The following SFXN4 variants were observed in gnomAD, a reference collection of about 807,000 sequenced individuals.
The protein encoded by SFXN4 is sideroflexin-4.
SFXN4 carries 48 observed loss-of-function variants against 54.6 expected under a neutral mutation model. The observed-to-expected ratio is 0.88, with a 90% CI of 0.70 to 1.12. The LOEUF (loss-of-function observed/expected upper bound fraction) is 1.12. Among genes scored for constraint, SFXN4 ranks in the 50% most tolerant of loss-of-function variants. The pLI is 0.00. For synonymous variants in SFXN4, 130 were observed against 145.5 expected, an observed-to-expected ratio of 0.89 and a Z score of 0.77; for missense variants, 383 against 409.2, an observed-to-expected ratio of 0.94 and a Z score of 0.55.
At chr10:119,164,056 A>C in intron 2 of SFXN4, 75 bp downstream of exon 2, 1 of 879,080 alleles carries the variant, frequency 1.1e-6, no homozygotes, top group Non-Finnish European at 1.8e-6. Context: ...AAAAAAAAAA[A>C]AAAAAAAAGG....
At chr10:119,152,124 T>G (rs1236675148) in intron 11 of SFXN4, among the ~76,000 whole-genome samples, 1 of 152,096 alleles carries the variant, frequency 6.6e-6, no homozygotes, top group East Asian at 1.9e-4. Flanking sequence ...CACAACTGTT[T>G]TAAACTGACT....
At chr10:119,154,985 T>C (rs1453102131) in intron 11 of SFXN4, 77 bp downstream of exon 11, 2 of 964,224 alleles carry the variant, frequency 2.1e-6, no homozygotes, top group Non-Finnish European at 3.3e-6. Context: ...AGACATGAAT[T>C]TGTCACCGGC....
chr10:119,162,224 A>G, intron 3 of SFXN4, 116 bp downstream of exon 3: 1 of 794,604 alleles, frequency 1.3e-6, no homozygotes, highest in Non-Finnish European at 2.1e-6. Context: ...AAGGGAAGGA[A>G]AAAAGAAAGA....
intron 11 of SFXN4, among the ~76,000 whole-genome samples, chr10:119,153,903 C>T (rs1162214095): frequency 1.1e-4 from 17 of 152,172 alleles, no homozygotes; most frequent in Admixed American, 9.8e-4. Context: ...TACCACCAGG[C>T]GCGGTGGCTC....
chr10:119,149,941 AG>A (rs1846988408), intron 11 of SFXN4, among the ~76,000 whole-genome samples: 1 of 152,186 alleles, frequency 6.6e-6, no homozygotes, highest in Non-Finnish European at 1.5e-5. Context: ...CTGTGTGCAA[AG>A]CAGTGGCTTA....
chr10:119,158,711 G>A (rs1847380779), intron 6 of SFXN4, among the ~76,000 whole-genome samples: 2 of 150,082 alleles, frequency 1.3e-5, no homozygotes, highest in South Asian at 4.2e-4. Flanking sequence ...GGCTGGGAGT[G>A]ATGGCTCACG....
At chr10:119,158,276 G>A (rs1847357431) in intron 6 of SFXN4, 4 of 585,844 alleles carry the variant, frequency 6.8e-6, no homozygotes, top group Non-Finnish European at 9.2e-6. Context: ...ATCCAGGGTC[G>A]AACAGCAGGC....
chr10:119,152,975 A>T (rs1442528060), intron 11 of SFXN4, among the ~76,000 whole-genome samples: 1 of 152,176 alleles, frequency 6.6e-6, no homozygotes, highest in Non-Finnish European at 1.5e-5. Context: ...CTTCAGCTAA[A>T]GTCATTTCAC....
rs1564814517 is a variant in SFXN4 at position 119,146,360 on chromosome 10, G to A, written c.819-7C>T. 6.5e-7 allele frequency: 1 copy of A among 1,547,924 alleles called. No homozygotes were observed. On this transcript the variant is annotated splice_polypyrimidine_tract_variant and splice_region_variant and intron_variant, in intron 12 of 13. Transcript: ENST00000355697. The stretch of plus-strand genomic sequence containing the variant: ...TTTCCTGAAATACTGGGTCCTGTAA[G>A]AGACAAGGCATGGCTCACAAGTGAT...
In SFXN4 at chr10:119,160,913, AC is replaced by A; in HGVS notation, c.334+1del. Reference sequence around the variant, plus strand: ...CACTTCTGAAAATTAGAACCAACTCACCTGCAGGTCGAAAAAGCTTGGGGAT... The same window carrying A: ...CACTTCTGAAAATTAGAACCAACTCACTGCAGGTCGAAAAAGCTTGGGGAT... On this transcript the variant is annotated splice_donor_variant, in intron 5 of 13. Transcript: ENST00000355697. LOFTEE classifies it high-confidence loss of function. The A allele has an allele frequency of 6.2e-7, 1 of 1,613,918 alleles. No homozygotes were observed. Among genetic ancestry groups the A allele is most frequent in the Non-Finnish European group, 8.5e-7 (1 of 1,179,922 alleles).
intron 11 of SFXN4, among the ~76,000 whole-genome samples, chr10:119,152,843 C>G (rs1357295987): frequency 6.6e-6 from 1 of 152,128 alleles, no homozygotes; most frequent in Non-Finnish European, 1.5e-5. Context: ...AGTAGAAGGA[C>G]ATACCCTGGC....
intron 1 of SFXN4, chr10:119,165,306 G>T (rs921923454): frequency 1.6e-6 from 2 of 1,256,444 alleles, no homozygotes; most frequent in Middle Eastern, 2.1e-4. Context: ...GGGCAATCTG[G>T]AGGGTGACGT....
intron 1 of SFXN4, among the ~76,000 whole-genome samples, chr10:119,164,748 A>C (rs1847698406): frequency 6.6e-6 from 1 of 151,948 alleles, no homozygotes; most frequent in Non-Finnish European, 1.5e-5. Context: ...ACCTGAGCTC[A>C]CCGCCCCTTC....
At chr10:119,148,130 C>T (rs1186228472) in intron 11 of SFXN4, among the ~76,000 whole-genome samples, 1 of 152,092 alleles carries the variant, frequency 6.6e-6, no homozygotes, top group Non-Finnish European at 1.5e-5. Flanking sequence ...CAAGATCACG[C>T]CACTGCACTC....
intron 1 of SFXN4, 72 bp from the exon 2 acceptor site, chr10:119,164,268 CTT>C (rs35023478): frequency 7.1e-4 from 358 of 503,508 alleles, no homozygotes; most frequent in Middle Eastern, 1.7e-3. Context: ...TAACAGTTGG[CTT>C]TTTTTTTTTT....
At position 119,157,871 on chromosome 10, in the gene SFXN4, G is replaced by GT. The variant is rs1847335686; in HGVS notation, c.470dup (p.Tyr157Ter). 1 of 1,614,000 alleles carries GT rather than the reference G, an allele frequency of 6.2e-7. No individual in the cohort carries two copies. Among genetic ancestry groups the GT allele is most frequent in the African/African-American group, 1.3e-5 (1 of 74,934 alleles). The change falls in exon 8 of 14, where the codon TAC (tyrosine) becomes TAAC (stop). Residue 157 changes from tyrosine to a stop codon, truncating the protein, a stop_gained and frameshift_variant and splice_region_variant. Coordinates refer to ENST00000355697, the MANE Select transcript of SFXN4 (RefSeq NM_213649.2). LOFTEE classifies it high-confidence loss of function. ...AFNSINGNRS[Y>*]TCKPLERSLL... ...ACTCTCTGGGTCTCATAATACTCAC[G>GT]TAACTTCTGTTTCCATTGATGCTGT...
At chr10:119,142,620 G>A (rs187800361) in intron 13 of SFXN4, among the ~76,000 whole-genome samples, 3,872 of 146,322 alleles carry the variant, frequency 0.026, 79 homozygotes, top group Non-Finnish European at 0.036. Context: ...GCGCGACCTC[G>A]GCTCACTGCA....
At chr10:119,148,339 G>A (rs1278107330) in intron 11 of SFXN4, among the ~76,000 whole-genome samples, 1 of 152,050 alleles carries the variant, frequency 6.6e-6, no homozygotes, top group African/African-American at 2.4e-5. Context: ...TGTGGCGGTC[G>A]GCTGCACTTT....
Position 119,147,815 on chromosome 10 carries a change from A to G in SFXN4, c.778T>C (p.Ser260Pro). The part of the protein sequence containing the change: ...LASRIVLFGT[S>P]ALIPEVFTYF... Reference sequence around the variant, plus strand: ...GTGAAGACTTCAGGAATCAGAGCTGAGGTCCCAAACAGCACTATTCTGGAT... The same window carrying G: ...GTGAAGACTTCAGGAATCAGAGCTGGGGTCCCAAACAGCACTATTCTGGAT... Residue 260 changes from serine to proline, a missense_variant, in exon 12 of 14, where the codon TCA (serine) becomes CCA (proline). Physicochemically the swap from Ser to Pro is moderately conservative, Grantham distance 74 (BLOSUM62 -1). Coordinates refer to ENST00000355697, the MANE Select transcript of SFXN4 (RefSeq NM_213649.2). 1 of 1,614,156 alleles carries G rather than the reference A, an allele frequency of 6.2e-7. No individual in the cohort carries two copies. The highest frequency in any genetic ancestry group is 8.5e-7 in the Non-Finnish European group (1 of 1,179,994).
Sources: allele counts gnomAD v4.1 joint callset (sites outside exome capture counted in the v4.1 genomes callset), GRCh38; gene constraint gnomAD v4.1.1; transcripts MANE v1.5; gene names NCBI Gene and HGNC (gene_info 2026-07-23, HGNC 2026-07-21).